Variants in WWOX observed in about 807,000 individuals in gnomAD.
WWOX encodes the protein WW domain containing oxidoreductase.
WWOX carries 69 observed loss-of-function variants against 46.2 expected under a neutral mutation model. The ratio of observed to expected loss-of-function variants is 1.49; its 90% CI spans 1.23 to 1.82. WWOX has a LOEUF of 1.82. WWOX is among the 40% of genes most tolerant of loss of function. The pLI, the probability that WWOX is intolerant of heterozygous loss-of-function variation, is 0.00. For missense variants in WWOX, 919 were observed against 542.6 expected, an observed-to-expected ratio of 1.69 and a Z score of -6.89; for synonymous variants, 359 against 202.6, an observed-to-expected ratio of 1.77 and a Z score of -6.56.
chr16:78,997,826 G>A (rs1345326103), intron 8 of WWOX, among the ~76,000 whole-genome samples: 1 of 152,152 alleles, frequency 6.6e-6, no homozygotes, highest in African/African-American at 2.4e-5. Context: ...ATTTCACGCT[G>A]CCTTCCCGGG....
At chr16:78,704,675 A>G (rs1351144656) in intron 8 of WWOX, among the ~76,000 whole-genome samples, 1 of 152,184 alleles carries the variant, frequency 6.6e-6, no homozygotes, top group Non-Finnish European at 1.5e-5. Flanking sequence ...GAAAATGATT[A>G]TGACATGTTA....
intron 8 of WWOX, among the ~76,000 whole-genome samples, chr16:79,111,503 T>G (rs1003638445): frequency 4.6e-5 from 7 of 152,222 alleles, no homozygotes; most frequent in Admixed American, 3.9e-4. Flanking sequence ...CCTAATTATT[T>G]TAAATTCATA....
At chr16:79,194,820 C>T (rs1235848841) in intron 8 of WWOX, among the ~76,000 whole-genome samples, 1 of 152,088 alleles carries the variant, frequency 6.6e-6, no homozygotes, top group Non-Finnish European at 1.5e-5. Flanking sequence ...GGAGAGAGTG[C>T]ATACAAAAAC....
intron 6 of WWOX, among the ~76,000 whole-genome samples, chr16:78,393,201 C>G (rs1048697076): frequency 1.3e-5 from 2 of 152,174 alleles, no homozygotes; most frequent in Non-Finnish European, 1.5e-5. Context: ...TTGGGGTTTT[C>G]TGAAATGGAC....
chr16:78,782,817 G>T (rs548074462), intron 8 of WWOX, among the ~76,000 whole-genome samples: 3 of 152,138 alleles, frequency 2.0e-5, no homozygotes, highest in Admixed American at 2.0e-4. Flanking sequence ...AAGATGTACT[G>T]TTATTTTATG....
At chr16:78,528,197 G>A (rs148724536) in intron 8 of WWOX, among the ~76,000 whole-genome samples, 846 of 61,472 alleles carry the variant, frequency 0.014, 3 homozygotes, top group Middle Eastern at 0.054. Flanking sequence ...TGCATTTTTA[G>A]TCGAGACAGG....
intron 8 of WWOX, among the ~76,000 whole-genome samples, chr16:79,071,956 A>G (rs2048559637): frequency 6.6e-6 from 1 of 152,092 alleles, no homozygotes; most frequent in Non-Finnish European, 1.5e-5. Flanking sequence ...TCATTCATTC[A>G]TTCGTTTACT....
intron 8 of WWOX, among the ~76,000 whole-genome samples, chr16:79,072,746 C>G (rs1006445315): frequency 2.6e-5 from 4 of 152,204 alleles, no homozygotes; most frequent in Non-Finnish European, 5.9e-5. Flanking sequence ...AATCTTCCAG[C>G]AATTCTTCAA....
chr16:78,353,323 C>G (rs1312515148), intron 5 of WWOX, among the ~76,000 whole-genome samples: 1 of 152,302 alleles, frequency 6.6e-6, no homozygotes, highest in Middle Eastern at 3.4e-3. Context: ...AGGTAAAGCA[C>G]TGTGCAGAAA....
At chr16:79,093,940 G>C (rs2049016215) in intron 8 of WWOX, among the ~76,000 whole-genome samples, 1 of 152,124 alleles carries the variant, frequency 6.6e-6, no homozygotes, top group Admixed American at 6.5e-5. Context: ...AGGAAGCCCA[G>C]AGCCTTCTAT....
rs781068159 is a variant in WWOX, at chr16:78,307,786, T to C, written c.517-79074T>C. Among the ~76,000 whole-genome samples the C allele has an allele frequency of 2.0e-5, 3 of 151,760 alleles. No homozygotes were observed. The East Asian group carries it at 5.8e-4, about 29-fold the overall frequency. On this transcript the variant is annotated intron_variant, in intron 5 of 8. Transcript: ENST00000566780. ...CCTTAATATTCCTTTTCATGGGAGG[T>C]TTTGCAGATTGCTGCCCTCCTTGCT...
At chr16:78,475,811 T>C (rs1048227134) in intron 8 of WWOX, among the ~76,000 whole-genome samples, 5 of 152,148 alleles carry the variant, frequency 3.3e-5, no homozygotes, top group Non-Finnish European at 5.9e-5. Flanking sequence ...GCCAGGCTGG[T>C]CTTGAACTCC....
chr16:78,614,141 T>A (rs987626126), intron 8 of WWOX, among the ~76,000 whole-genome samples: 1 of 152,232 alleles, frequency 6.6e-6, no homozygotes, highest in African/African-American at 2.4e-5. Context: ...TCAGAATGAA[T>A]GAATATTCAC....
At chr16:78,439,322 C>T (rs1205568684) in intron 8 of WWOX, among the ~76,000 whole-genome samples, 1 of 152,170 alleles carries the variant, frequency 6.6e-6, no homozygotes, top group African/African-American at 2.4e-5. Flanking sequence ...CTCTCAGGAC[C>T]CCTCTGTGGT....
intron 8 of WWOX, among the ~76,000 whole-genome samples, chr16:78,739,032 G>T (rs751391045): frequency 7.9e-5 from 12 of 152,130 alleles, no homozygotes; most frequent in Non-Finnish European, 1.6e-4. Context: ...TGGTTTCCTG[G>T]TTGGATAGAC....
intron 8 of WWOX, among the ~76,000 whole-genome samples, chr16:79,034,043 C>G (rs1477503104): frequency 6.6e-6 from 1 of 152,202 alleles, no homozygotes; most frequent in Admixed American, 6.5e-5. Context: ...GGCTATGGCT[C>G]ACGGCTGTGG....
At chr16:78,543,796 T>A (rs1260472362) in intron 8 of WWOX, among the ~76,000 whole-genome samples, 1 of 152,188 alleles carries the variant, frequency 6.6e-6, no homozygotes, top group African/African-American at 2.4e-5. Context: ...GAGAATTGAA[T>A]GCCCCATAAA....
intron 8 of WWOX, among the ~76,000 whole-genome samples, chr16:78,958,572 A>T (rs927172687): frequency 6.6e-6 from 1 of 152,242 alleles, no homozygotes; most frequent in Non-Finnish European, 1.5e-5. Context: ...AGTAAGCTGA[A>T]CAGTGTTTTT....
In WWOX at chr16:78,990,240, T is replaced by G. The variant is rs2046860166; in HGVS notation, c.1057-221368T>G. Among the ~76,000 whole-genome samples the G allele has an allele frequency of 2.0e-5, 3 of 151,386 alleles. No individual in the cohort carries two copies. The South Asian group carries it at 6.3e-4, about 32-fold the overall frequency. Reference sequence around the variant, plus strand: ...GAGCTCAACTGATCAGCATCTCAGATTAAGGGCCTCCATTCCCCCCATGCT... The same window carrying G: ...GAGCTCAACTGATCAGCATCTCAGAGTAAGGGCCTCCATTCCCCCCATGCT... On this transcript the variant is annotated intron_variant, in intron 8 of 8. Coordinates refer to ENST00000566780, the MANE Select transcript of WWOX (RefSeq NM_016373.4).
Sources: allele counts gnomAD v4.1 joint callset (sites outside exome capture counted in the v4.1 genomes callset), GRCh38; gene constraint gnomAD v4.1.1; transcripts MANE v1.5; gene names NCBI Gene and HGNC (gene_info 2026-07-23, HGNC 2026-07-21).